SSH2: variants seen among roughly 807,000 people sequenced by gnomAD.
SSH2 encodes protein phosphatase Slingshot homolog 2.
In SSH2, 37 loss-of-function variants were observed where a neutral mutation model predicts 135.2. The observed-to-expected ratio is 0.27, with a 90% CI of 0.21 to 0.36. The LOEUF (loss-of-function observed/expected upper bound fraction) is 0.36, where lower values mean the gene tolerates loss of function less well. Ranked by LOEUF, SSH2 falls within the 10% of genes least tolerant of loss-of-function variation. The pLI is 1.00. For missense variants in SSH2, 1,408 were observed against 1,765.3 expected, an observed-to-expected ratio of 0.80 and a Z score of 3.63; for synonymous variants, 628 against 646.2, an observed-to-expected ratio of 0.97 and a Z score of 0.43.
At chr17:29,878,438 T>A (rs532881933) in intron 1 of SSH2, among the ~76,000 whole-genome samples, 1 of 152,304 alleles carries the variant, frequency 6.6e-6, no homozygotes, top group South Asian at 2.1e-4. Context: ...CTGCTACAGA[T>A]AAAGCAAGCT....
chr17:29,724,617 G>A (rs2039938168), intron 3 of SSH2, among the ~76,000 whole-genome samples: 1 of 119,054 alleles, frequency 8.4e-6, no homozygotes, highest in South Asian at 2.8e-4. Flanking sequence ...AAGAGACAGA[G>A]TCTCGCTCAT....
chr17:29,833,596 T>TC (rs1437971746), intron 2 of SSH2, among the ~76,000 whole-genome samples: 1 of 152,188 alleles, frequency 6.6e-6, no homozygotes, highest in Non-Finnish European at 1.5e-5. Flanking sequence ...TTAATATTGA[T>TC]AAGTAAGGAC....
chr17:29,671,803 G>A (rs913269455), intron 9 of SSH2, 132 bp downstream of exon 9: 4 of 751,462 alleles, frequency 5.3e-6, no homozygotes, highest in South Asian at 4.0e-5. Flanking sequence ...GCAGACACGT[G>A]CTATTCACAA....
chr17:29,697,768 G>C (rs2038816529), intron 4 of SSH2, among the ~76,000 whole-genome samples: 1 of 152,116 alleles, frequency 6.6e-6, no homozygotes, highest in East Asian at 1.9e-4. Flanking sequence ...AATTAAAATG[G>C]AGAGTCATTA....
At chr17:29,877,569 C>T (rs2066056534) in intron 1 of SSH2, among the ~76,000 whole-genome samples, 1 of 152,046 alleles carries the variant, frequency 6.6e-6, no homozygotes, top group South Asian at 2.1e-4. Flanking sequence ...CTGTCATTTG[C>T]AACAACATGA....
At chr17:29,851,353 T>C (rs1186394330) in intron 1 of SSH2, among the ~76,000 whole-genome samples, 1 of 151,820 alleles carries the variant, frequency 6.6e-6, no homozygotes. Context: ...TCCCAACACT[T>C]TGGGAGGCGG....
chr17:29,701,352 C>T (rs888114262), intron 4 of SSH2, among the ~76,000 whole-genome samples: 2 of 151,592 alleles, frequency 1.3e-5, no homozygotes, highest in African/African-American at 4.9e-5. Context: ...GGTGATCCAC[C>T]TGCCTCGGCC....
chr17:29,913,347 A>AC (rs1429739888), intron 1 of SSH2, among the ~76,000 whole-genome samples: 1 of 28,778 alleles, frequency 3.5e-5, no homozygotes, highest in Non-Finnish European at 5.9e-5. Flanking sequence ...AAAAAAAAAA[A>AC]ATATATATAT....
chr17:29,913,641 C>CT (rs921310648), intron 1 of SSH2, among the ~76,000 whole-genome samples: 60 of 145,362 alleles, frequency 4.1e-4, no homozygotes, highest in Non-Finnish European at 5.8e-4. Context: ...TTTCTTTTTT[C>CT]TTTTTTTTTT....
At position 29,632,494 on chromosome 17, in the gene SSH2, G is replaced by A. The variant is rs56047313; in HGVS notation, c.2700C>T (p.Phe900=). 5.0e-6 allele frequency: 8 copies of A among 1,614,016 alleles called. No individual in the cohort carries two copies. The highest frequency in any genetic ancestry group is 3.3e-5 in the Admixed American group (2 of 60,000). The change falls in exon 16 of 16, where the codon TTC becomes TTT. Residue 900 remains phenylalanine (F), a synonymous_variant. Transcript: ENST00000540801. The stretch of plus-strand genomic sequence containing the variant: ...CTTGCTCCTGCCGTAAGCGCTCTTC[G>A]AACTCCAAGGTGGCTCGCCTCACAG... ...PGSVRRATLE[F]EERLRQEQEH... is the part of the protein sequence containing the mutation.
At chr17:29,885,056 T>C (rs1441037212) in intron 1 of SSH2, among the ~76,000 whole-genome samples, 1 of 152,168 alleles carries the variant, frequency 6.6e-6, no homozygotes, top group African/African-American at 2.4e-5. Context: ...CGGGCTAAAG[T>C]TTAAGTTTAA....
intron 1 of SSH2, among the ~76,000 whole-genome samples, chr17:29,861,655 C>T (rs999528107): frequency 8.6e-5 from 13 of 151,944 alleles, no homozygotes; most frequent in Admixed American, 4.6e-4. Context: ...CCTTCCACTG[C>T]CGGGTTCAAG....
intron 9 of SSH2, among the ~76,000 whole-genome samples, chr17:29,670,943 C>T (rs754786015): frequency 1.4e-4 from 21 of 152,070 alleles, no homozygotes; most frequent in Non-Finnish European, 3.1e-4. Flanking sequence ...CAAATTAGAG[C>T]AAAAGAAACA....
chr17:29,732,907 C>T (rs920175253), intron 3 of SSH2, among the ~76,000 whole-genome samples: 2 of 152,204 alleles, frequency 1.3e-5, no homozygotes, highest in Admixed American at 6.5e-5. Context: ...TAAAGCAAAG[C>T]AGCAAATATC....
chr17:29,843,486 G>C (rs2043078780), intron 2 of SSH2, among the ~76,000 whole-genome samples: 1 of 152,012 alleles, frequency 6.6e-6, no homozygotes, highest in Non-Finnish European at 1.5e-5. Context: ...GAATCCAGGA[G>C]GTAGAGGCTG....
At chr17:29,709,011 TATATAG>T (rs1480777225) in intron 3 of SSH2, among the ~76,000 whole-genome samples, 100 of 96,738 alleles carry the variant, frequency 1.0e-3, no homozygotes, top group African/African-American at 3.2e-3. Context: ...TATATATATA[TATATAG>T]AGAGAGAGAG....
chr17:29,752,593 A>G (rs2040979994), intron 3 of SSH2, among the ~76,000 whole-genome samples: 1 of 152,182 alleles, frequency 6.6e-6, no homozygotes, highest in Non-Finnish European at 1.5e-5. Flanking sequence ...TAACACTTTG[A>G]GAATCCTGAG....
chr17:29,772,106 T>C (rs1296790325), intron 3 of SSH2, among the ~76,000 whole-genome samples: 2 of 87,520 alleles, frequency 2.3e-5, no homozygotes, highest in East Asian at 4.3e-4. Context: ...AGAAAAGATG[T>C]GGTTTTTTTT....
chr17:29,643,694 A>G (rs2036258635), intron 14 of SSH2, among the ~76,000 whole-genome samples: 1 of 152,088 alleles, frequency 6.6e-6, no homozygotes, highest in African/African-American at 2.4e-5. Flanking sequence ...GGGTTTAGCC[A>G]TGTTGGCCAG....
Sources: allele counts gnomAD v4.1 joint callset (sites outside exome capture counted in the v4.1 genomes callset), GRCh38; gene constraint gnomAD v4.1.1; transcripts MANE v1.5; gene names NCBI Gene and HGNC (gene_info 2026-07-23, HGNC 2026-07-21).